Variants in PIP5K1B observed in about 807,000 individuals in gnomAD.
The protein encoded by PIP5K1B is phosphatidylinositol 4-phosphate 5-kinase type-1 beta.
In PIP5K1B, 42 loss-of-function variants were observed where a neutral mutation model predicts 67.0. The observed-to-expected ratio is 0.63, with a 90% confidence interval of 0.49 to 0.81. PIP5K1B has a LOEUF of 0.81. PIP5K1B is among the 30% of genes least tolerant of loss of function. The probability of loss-of-function intolerance (pLI) is 0.00; values close to 1 mark genes in which losing one functional copy is unlikely to be tolerated. For synonymous variants in PIP5K1B, 214 were observed against 231.4 expected, an observed-to-expected ratio of 0.92 and a Z score of 0.68; for missense variants, 459 against 646.3, an observed-to-expected ratio of 0.71 and a Z score of 3.14.
At chr9:68,740,882 A>T (rs1410373521) in intron 1 of PIP5K1B, among the ~76,000 whole-genome samples, 6 of 152,220 alleles carry the variant, frequency 3.9e-5, no homozygotes, top group Non-Finnish European at 8.8e-5. Flanking sequence ...GAGTTGGAAG[A>T]CTTCAGGCTC....
At chr9:68,802,633 C>T (rs547932922) in intron 2 of PIP5K1B, among the ~76,000 whole-genome samples, 3 of 152,082 alleles carry the variant, frequency 2.0e-5, no homozygotes, top group South Asian at 2.1e-4. Flanking sequence ...AGGATTCATA[C>T]GAGGAAGTCA....
intron 12 of PIP5K1B, among the ~76,000 whole-genome samples, chr9:68,925,624 A>G (rs1490410390): frequency 4.0e-5 from 6 of 150,260 alleles, no homozygotes; most frequent in Non-Finnish European, 8.9e-5. Flanking sequence ...ACCTTATTTC[A>G]CTCTAAGGGA....
Position 68,827,040 on chromosome 9 carries a change from C to T in PIP5K1B, c.69+4357C>T, listed in dbSNP as rs543209948. Among the ~76,000 whole-genome samples the T allele has an allele frequency of 3.3e-5, 5 of 152,354 alleles. No homozygotes were observed. The South Asian group carries it at 8.3e-4, about 25-fold the overall frequency. ...GTGCTGGGATTACAGGTGTGAGCCA[C>T]TGGGCCCGGCCAAAAATTCCACTTT... On this transcript the variant is annotated intron_variant, in intron 4 of 15. Coordinates refer to ENST00000265382, the MANE Select transcript of PIP5K1B (RefSeq NM_003558.4).
chr9:68,772,541 T>C (rs1029683275), intron 2 of PIP5K1B, among the ~76,000 whole-genome samples: 8 of 152,190 alleles, frequency 5.3e-5, no homozygotes, highest in Admixed American at 6.5e-5. Flanking sequence ...CTGCAGGGAA[T>C]AGTATTCACT....
At chr9:68,880,070 C>T (rs1015632716) in intron 6 of PIP5K1B, among the ~76,000 whole-genome samples, 2 of 151,820 alleles carry the variant, frequency 1.3e-5, no homozygotes, top group African/African-American at 2.4e-5. Flanking sequence ...TGAATGCCCC[C>T]CTACAAAAAG....
intron 1 of PIP5K1B, among the ~76,000 whole-genome samples, chr9:68,717,367 G>A (rs2132253145): frequency 6.6e-6 from 1 of 152,282 alleles, no homozygotes; most frequent in Admixed American, 6.5e-5. Flanking sequence ...TTTGCACATA[G>A]CTTTTCCAGT....
chr9:68,969,327 C>A (rs1433031638), intron 14 of PIP5K1B, among the ~76,000 whole-genome samples: 3 of 147,696 alleles, frequency 2.0e-5, no homozygotes, highest in Non-Finnish European at 4.5e-5. Flanking sequence ...GAGATCACGC[C>A]ACTGCACTCC....
intron 1 of PIP5K1B, among the ~76,000 whole-genome samples, chr9:68,737,986 A>G (rs1473014641): frequency 6.6e-6 from 1 of 152,258 alleles, no homozygotes; most frequent in Non-Finnish European, 1.5e-5. Context: ...GGAGGATGAC[A>G]GAATAATGCA....
chr9:68,739,772 T>G (rs1378249952), intron 1 of PIP5K1B: 1 of 152,228 alleles, frequency 6.6e-6, no homozygotes, highest in Non-Finnish European at 1.5e-5. Context: ...TGCTTGAGGC[T>G]TTGCCCTAAA....
chr9:68,816,633 G>A (rs1425464608), intron 2 of PIP5K1B, among the ~76,000 whole-genome samples: 1 of 152,110 alleles, frequency 6.6e-6, no homozygotes, highest in African/African-American at 2.4e-5. Context: ...CTAAATCAAT[G>A]TATATAGGAA....
chr9:69,006,592 T>C (rs757819474), intron 15 of PIP5K1B, among the ~76,000 whole-genome samples: 3 of 152,206 alleles, frequency 2.0e-5, no homozygotes, highest in African/African-American at 4.8e-5. Flanking sequence ...TATTATGCCC[T>C]GTCTCTACCT....
chr9:68,986,255 A>T (rs7040120), intron 14 of PIP5K1B, among the ~76,000 whole-genome samples: 29,463 of 152,082 alleles, frequency 0.19, 3,649 homozygotes, highest in East Asian at 0.45. Context: ...CAACAAGTTT[A>T]ATTTTTCTGA....
chr9:68,885,729 G>A lies in PIP5K1B; in HGVS notation c.319-3252G>A, dbSNP rs547095361. ...TGGGGAATGACAAACTGCCTATTGG[G>A]TACAATGTCCACTACTCAGGTGATG... On this transcript the variant is annotated intron_variant, in intron 6 of 15. Coordinates refer to ENST00000265382, the MANE Select transcript of PIP5K1B (RefSeq NM_003558.4). Among the ~76,000 whole-genome samples, 17 of 152,158 alleles carry A rather than the reference G, an allele frequency of 1.1e-4. No homozygotes were observed. The East Asian group carries it at 2.9e-3, about 26-fold the overall frequency.
At chr9:68,822,821 C>T in intron 4 of PIP5K1B, 138 bp downstream of exon 4, 2 of 659,268 alleles carry the variant, frequency 3.0e-6, no homozygotes, top group Non-Finnish European at 5.5e-6. Flanking sequence ...CTAATTACTG[C>T]AAATTTAGTG....
intron 14 of PIP5K1B, among the ~76,000 whole-genome samples, chr9:68,980,421 G>T (rs774979275): frequency 6.6e-6 from 1 of 152,170 alleles, no homozygotes; most frequent in Non-Finnish European, 1.5e-5. Context: ...TTAATGTTCT[G>T]GTAGCTAAAC....
chr9:68,876,338 C>T (rs528921056), intron 5 of PIP5K1B, among the ~76,000 whole-genome samples: 1 of 152,278 alleles, frequency 6.6e-6, no homozygotes, highest in African/African-American at 2.4e-5. Context: ...GCTCCACACT[C>T]TAAGGCCTAG....
At chr9:68,728,191 T>G (rs1713233427) in intron 1 of PIP5K1B, among the ~76,000 whole-genome samples, 1 of 152,152 alleles carries the variant, frequency 6.6e-6, no homozygotes, top group African/African-American at 2.4e-5. Flanking sequence ...TACTGTAGAT[T>G]GAGTGATCAA....
intron 7 of PIP5K1B, among the ~76,000 whole-genome samples, chr9:68,892,156 C>T (rs1223659787): frequency 6.6e-6 from 1 of 152,186 alleles, no homozygotes; most frequent in African/African-American, 2.4e-5. Context: ...ATTTCAACTG[C>T]TCCCAAATCA....
intron 14 of PIP5K1B, chr9:68,941,099 T>A: frequency 2.0e-6 from 1 of 490,464 alleles, no homozygotes; most frequent in South Asian, 1.5e-5. Flanking sequence ...TTCTTCAGAG[T>A]GAGCACTCTT....
Sources: gnomAD v4.1 joint callset for allele counts (sites outside exome capture counted in the v4.1 genomes callset) on GRCh38, gnomAD v4.1.1 for gene constraint, MANE v1.5 for transcripts, NCBI Gene and HGNC (gene_info 2026-07-23, HGNC 2026-07-21) for gene names.